ITFG1: variants seen among roughly 807,000 people sequenced by gnomAD.
The protein encoded by ITFG1 is integrin alpha FG-GAP repeat containing 1, also known as T-cell immunomodulatory protein.
ITFG1 carries 34 observed loss-of-function variants against 81.8 expected under a neutral mutation model. The ratio of observed to expected loss-of-function variants is 0.42; its 90% CI spans 0.32 to 0.55. The LOEUF (loss-of-function observed/expected upper bound fraction) is 0.55, where lower values mean the gene tolerates loss of function less well. Among genes scored for constraint, ITFG1 ranks in the 20% least tolerant of loss-of-function variants. The pLI is 0.17. For missense variants in ITFG1, 672 were observed against 755.4 expected, an observed-to-expected ratio of 0.89 and a Z score of 1.29; for synonymous variants, 285 against 270.6, an observed-to-expected ratio of 1.05 and a Z score of -0.52.
intron 7 of ITFG1, among the ~76,000 whole-genome samples, chr16:47,368,629 T>C (rs904287684): frequency 6.8e-6 from 1 of 148,082 alleles, no homozygotes; most frequent in African/African-American, 2.5e-5. Flanking sequence ...GAATGTTTCA[T>C]GAATGAATGG....
At chr16:47,287,684 TG>T (rs753831672) in intron 10 of ITFG1, among the ~76,000 whole-genome samples, 6 of 152,220 alleles carry the variant, frequency 3.9e-5, no homozygotes, top group Non-Finnish European at 8.8e-5. Flanking sequence ...ACTACAGGTG[TG>T]TGCCACCATA....
At chr16:47,254,755 C>T (rs1352481694) in intron 12 of ITFG1, among the ~76,000 whole-genome samples, 2 of 152,178 alleles carry the variant, frequency 1.3e-5, no homozygotes, top group African/African-American at 4.8e-5. Flanking sequence ...TAACATCTGT[C>T]CTAGAAAGAA....
intron 14 of ITFG1, chr16:47,217,917 T>G (rs1371697187): frequency 6.6e-6 from 1 of 152,202 alleles, no homozygotes; most frequent in Non-Finnish European, 1.5e-5. Context: ...ACAGTGAGAC[T>G]CCGTCTCAAA....
intron 10 of ITFG1, among the ~76,000 whole-genome samples, chr16:47,310,033 T>C (rs1967232818): frequency 6.6e-6 from 1 of 152,250 alleles, no homozygotes; most frequent in Admixed American, 6.5e-5. Flanking sequence ...GTTTTGGCTA[T>C]ATCAGATCTG....
chr16:47,301,643 A>G (rs1466913627), intron 10 of ITFG1, among the ~76,000 whole-genome samples: 4 of 151,998 alleles, frequency 2.6e-5, no homozygotes, highest in Non-Finnish European at 4.4e-5. Context: ...TGATCCGTCC[A>G]CCTCAGCCTC....
intron 7 of ITFG1, among the ~76,000 whole-genome samples, chr16:47,372,278 T>C (rs1339951207): frequency 6.6e-6 from 1 of 152,148 alleles, no homozygotes; most frequent in Non-Finnish European, 1.5e-5. Context: ...GAGGTCTTGC[T>C]CTGTCGCTCA....
intron 10 of ITFG1, among the ~76,000 whole-genome samples, chr16:47,285,104 G>T (rs1966864507): frequency 6.6e-6 from 1 of 152,154 alleles, no homozygotes; most frequent in South Asian, 2.1e-4. Flanking sequence ...TGTTGGGTGT[G>T]TTAGGCCTCA....
chr16:47,222,693 G>A (rs1483168401), intron 13 of ITFG1, among the ~76,000 whole-genome samples: 5 of 152,132 alleles, frequency 3.3e-5, no homozygotes, highest in South Asian at 2.1e-4. Flanking sequence ...GATTACAGGC[G>A]TGAGCCACTC....
intron 12 of ITFG1, among the ~76,000 whole-genome samples, chr16:47,246,843 C>T (rs1045995307): frequency 1.3e-5 from 2 of 152,128 alleles, no homozygotes; most frequent in African/African-American, 4.8e-5. Flanking sequence ...CACTCTGTTG[C>T]CCACGCTGAA....
At chr16:47,242,340 A>G (rs1001072092) in intron 12 of ITFG1, among the ~76,000 whole-genome samples, 3 of 152,026 alleles carry the variant, frequency 2.0e-5, no homozygotes, top group Non-Finnish European at 4.4e-5. Context: ...AATCAAAAAA[A>G]AAAACACTGA....
At chr16:47,202,992 C>T (rs1325095792) in intron 14 of ITFG1, among the ~76,000 whole-genome samples, 1 of 152,044 alleles carries the variant, frequency 6.6e-6, no homozygotes, top group Non-Finnish European at 1.5e-5. Flanking sequence ...AGCAAGTCTG[C>T]TTTTGGGTAT....
chr16:47,388,965 T>C (rs1414909109), intron 6 of ITFG1, among the ~76,000 whole-genome samples: 3 of 152,170 alleles, frequency 2.0e-5, no homozygotes, highest in South Asian at 2.1e-4. Context: ...CCTCAAGATA[T>C]AAGGAATGTT....
chr16:47,292,133 C>T (rs1966914581), intron 10 of ITFG1, among the ~76,000 whole-genome samples: 1 of 152,058 alleles, frequency 6.6e-6, no homozygotes, highest in Non-Finnish European at 1.5e-5. Context: ...CCTGCCTCAG[C>T]CTCCCAAGTT....
At chr16:47,313,640 C>A in intron 9 of ITFG1, 89 bp downstream of exon 9, 1 of 588,222 alleles carries the variant, frequency 1.7e-6, no homozygotes, top group South Asian at 3.1e-5. Context: ...TCCCTCTGTT[C>A]TGATTCTACA....
At chr16:47,202,141 A>G (rs1454889944) in intron 14 of ITFG1, 1 of 152,212 alleles carries the variant, frequency 6.6e-6, no homozygotes, top group Non-Finnish European at 1.5e-5. Context: ...TTATTCTTTT[A>G]TGTTGAACTA....
intron 12 of ITFG1, among the ~76,000 whole-genome samples, chr16:47,247,673 G>T (rs1966018276): frequency 6.6e-6 from 1 of 152,048 alleles, no homozygotes; most frequent in Non-Finnish European, 1.5e-5. Flanking sequence ...AGAGTTGGAT[G>T]AAATAATTTA....
chr16:47,156,914 T>G (rs1036899109), intron 17 of ITFG1, among the ~76,000 whole-genome samples: 1 of 151,994 alleles, frequency 6.6e-6, no homozygotes, highest in Non-Finnish European at 1.5e-5. Flanking sequence ...AGTGACATGA[T>G]GAAGGCTAAA....
At chr16:47,165,209 AAGTT>A (rs1327156909) in intron 14 of ITFG1, among the ~76,000 whole-genome samples, 1 of 152,172 alleles carries the variant, frequency 6.6e-6, no homozygotes, top group African/African-American at 2.4e-5. Context: ...TTAAATGACA[AAGTT>A]AATTAATATA....
chr16:47,287,407 T>G (rs1041499899), intron 10 of ITFG1, among the ~76,000 whole-genome samples: 4 of 152,086 alleles, frequency 2.6e-5, no homozygotes, highest in Admixed American at 6.6e-5. Flanking sequence ...CTATTTTTTT[T>G]TCTTTCTTTC....
Sources: gnomAD v4.1 joint callset for allele counts (sites outside exome capture counted in the v4.1 genomes callset) on GRCh38, gnomAD v4.1.1 for gene constraint, MANE v1.5 for transcripts, NCBI Gene and HGNC (gene_info 2026-07-23, HGNC 2026-07-21) for gene names.